The following AGBL1 variants were observed in gnomAD, a reference collection of about 807,000 sequenced individuals.
AGBL1 encodes AGBL carboxypeptidase 1.
AGBL1 carries 130 observed loss-of-function variants against 118.9 expected under a neutral mutation model. That is an observed-to-expected ratio of 1.09 (90% confidence interval 0.95 to 1.26). AGBL1 has a LOEUF of 1.26. AGBL1 is among the 50% of genes most tolerant of loss of function. The pLI is 0.00. For missense variants in AGBL1, 1,584 were observed against 1,298.1 expected (o/e 1.22, Z -3.38); for synonymous variants, 555 against 478.9 (o/e 1.16, Z -2.08).
At chr15:86,556,100 T>C in intron 21 of AGBL1, 1 of 677,612 alleles carries the variant, frequency 1.5e-6, no homozygotes, top group Non-Finnish European at 2.4e-6. Flanking sequence ...AACAAACAGC[T>C]TCTAGTCACG....
At chr15:86,259,990 A>G (rs1171474589) in intron 9 of AGBL1, among the ~76,000 whole-genome samples, 3 of 152,246 alleles carry the variant, frequency 2.0e-5, no homozygotes, top group African/African-American at 7.2e-5. Flanking sequence ...ACAAATAAAT[A>G]AACTCAACTG....
At chr15:86,220,819 C>T (rs113465674) in intron 5 of AGBL1, among the ~76,000 whole-genome samples, 11 of 152,190 alleles carry the variant, frequency 7.2e-5, no homozygotes, top group Admixed American at 3.9e-4. Context: ...TCTATCTCCC[C>T]TGGGCATCCC....
chr15:86,338,108 T>C (rs1378630822), intron 17 of AGBL1, among the ~76,000 whole-genome samples: 1 of 151,750 alleles, frequency 6.6e-6, no homozygotes, highest in Non-Finnish European at 1.5e-5. Flanking sequence ...AATAGCAAAA[T>C]GGAGGATAAG....
At chr15:86,236,952 C>CG (rs1398987301) in intron 6 of AGBL1, among the ~76,000 whole-genome samples, 4 of 10,302 alleles carry the variant, frequency 3.9e-4, no homozygotes, top group African/African-American at 9.7e-4. Context: ...CGGGGGGGGG[C>CG]GGGGGGGCGC....
chr15:86,167,135 T>C (rs1279960029), intron 5 of AGBL1, among the ~76,000 whole-genome samples: 1 of 152,032 alleles, frequency 6.6e-6, no homozygotes, highest in South Asian at 2.1e-4. Context: ...CCTACAAATA[T>C]GGAGGAAAGG....
Position 86,911,338 on chromosome 15 carries a change from C to T in AGBL1, c.*4044C>T, listed in dbSNP as rs1350559234. ...TTTCTGATTTCACCTTTAAGATAGTCCCATTGTTAGAATAGAAGCCCAAGA... is the reference window on the plus strand; with the variant it reads ...TTTCTGATTTCACCTTTAAGATAGTTCCATTGTTAGAATAGAAGCCCAAGA... On this transcript the variant is annotated 3_prime_UTR_variant, in exon 23 of 23. Transcript: ENST00000614907. 1 of 152,112 alleles carries T rather than the reference C, an allele frequency of 6.6e-6. No individual in the cohort carries two copies. Among genetic ancestry groups the T allele is most frequent in the Non-Finnish European group, 1.5e-5 (1 of 68,044 alleles). The allele number at this position is 152,112 out of a possible 1,614,324, so 9.4% of individuals were successfully genotyped here.
At chr15:87,008,820 G>T (rs764269310) in intron 24 of AGBL1, among the ~76,000 whole-genome samples, 2 of 152,288 alleles carry the variant, frequency 1.3e-5, no homozygotes, top group Admixed American at 6.5e-5. Flanking sequence ...ATGGCACTTT[G>T]CCCCTGCCCT....
chr15:86,428,036 A>G (rs977963435), intron 18 of AGBL1, among the ~76,000 whole-genome samples: 1 of 152,168 alleles, frequency 6.6e-6, no homozygotes, highest in Non-Finnish European at 1.5e-5. Flanking sequence ...TGTAACTGGG[A>G]TTCAAAGAGG....
At chr15:86,850,626 G>C (rs80004192) in intron 22 of AGBL1, among the ~76,000 whole-genome samples, 1 of 152,102 alleles carries the variant, frequency 6.6e-6, no homozygotes, top group Non-Finnish European at 1.5e-5. Flanking sequence ...TTAACACAGA[G>C]AATCATTATT....
intron 23 of AGBL1, among the ~76,000 whole-genome samples, chr15:86,952,100 A>T (rs963044381): frequency 2.6e-5 from 4 of 152,022 alleles, no homozygotes; most frequent in Non-Finnish European, 4.4e-5. Flanking sequence ...GTGTGGTGGC[A>T]GGTGCCTGTA....
intron 23 of AGBL1, among the ~76,000 whole-genome samples, chr15:86,926,162 G>C (rs747059954): frequency 7.2e-5 from 11 of 151,938 alleles, no homozygotes; most frequent in Non-Finnish European, 1.3e-4. Flanking sequence ...TTTTGCCCCT[G>C]TCATTTTCTT....
chr15:86,177,970 A>G (rs2077503533), intron 5 of AGBL1, among the ~76,000 whole-genome samples: 1 of 152,054 alleles, frequency 6.6e-6, no homozygotes, highest in South Asian at 2.1e-4. Flanking sequence ...TAGAAAAACA[A>G]TAAGCAATTC....
chr15:86,209,213 A>G (rs7174218), intron 5 of AGBL1, among the ~76,000 whole-genome samples: 105,374 of 151,996 alleles, frequency 0.69, 37,393 homozygotes, highest in African/African-American at 0.84. Context: ...TTTTACATTG[A>G]CTGAGGAGTG....
At chr15:86,196,554 C>G (rs1050875362) in intron 5 of AGBL1, among the ~76,000 whole-genome samples, 1 of 152,092 alleles carries the variant, frequency 6.6e-6, no homozygotes, top group African/African-American at 2.4e-5. Flanking sequence ...CTTTAAGCAC[C>G]TGGATACACA....
At chr15:86,173,124 A>T (rs989866950) in intron 5 of AGBL1, 1 of 151,870 alleles carries the variant, frequency 6.6e-6, no homozygotes, top group Admixed American at 6.6e-5. Context: ...ATTTTTTCAT[A>T]TATCTGTTGG....
At chr15:86,234,053 A>C (rs776937971) in intron 6 of AGBL1, among the ~76,000 whole-genome samples, 12 of 152,080 alleles carry the variant, frequency 7.9e-5, no homozygotes, top group Non-Finnish European at 1.3e-4. Flanking sequence ...TAGTTCTTAC[A>C]CTCATGCAGG....
chr15:86,717,099 G>C (rs2086649842), intron 22 of AGBL1, among the ~76,000 whole-genome samples: 1 of 152,160 alleles, frequency 6.6e-6, no homozygotes, highest in Non-Finnish European at 1.5e-5. Flanking sequence ...AAAGCAAGAT[G>C]GAAATATGTC....
chr15:86,528,136 T>C (rs1459974600), intron 19 of AGBL1, among the ~76,000 whole-genome samples: 3 of 152,250 alleles, frequency 2.0e-5, no homozygotes, highest in Non-Finnish European at 4.4e-5. Context: ...AGCTCCGGTC[T>C]ACAGCTCCCA....
intron 22 of AGBL1, among the ~76,000 whole-genome samples, chr15:86,730,270 TTAAAC>T (rs1215793501): frequency 1.3e-5 from 2 of 152,132 alleles, no homozygotes; most frequent in Middle Eastern, 3.2e-3. Flanking sequence ...TGGGACCTAA[TTAAAC>T]TAAAGAGCCT....
Sources: allele counts gnomAD v4.1 joint callset (sites outside exome capture counted in the v4.1 genomes callset), GRCh38; gene constraint gnomAD v4.1.1; transcripts MANE v1.5; gene names NCBI Gene and HGNC (gene_info 2026-07-23, HGNC 2026-07-21).